Variants in PPEF2 observed in about 807,000 individuals in gnomAD.
The protein encoded by PPEF2 is protein phosphatase with EF-hand domain 2.
In PPEF2, 84 loss-of-function variants were observed where a neutral mutation model predicts 84.7. The observed-to-expected ratio is 0.99, with a 90% confidence interval of 0.83 to 1.19. The LOEUF is 1.19. Ranked by LOEUF, PPEF2 falls within the 50% of genes most tolerant of loss-of-function variation. The pLI, the probability that PPEF2 is intolerant of heterozygous loss-of-function variation, is 0.00. For missense variants in PPEF2, 924 were observed against 937.5 expected (o/e 0.99, Z 0.19); for synonymous variants, 346 against 345.2 (o/e 1.00, Z -0.03).
Position 75,866,268 on chromosome 4 carries a change from A to G in PPEF2, c.1841T>C (p.Leu614Pro), listed in dbSNP as rs1251623895. Residue 614 changes from leucine (L) to proline (P), a missense_variant, in exon 15 of 17, where the codon CTG becomes CCG. Transcript: ENST00000286719. ...CATGTTGTCTGCTGAGCTGTTCACCAGCTGTGGCCTCAGCATCCGCCATGG... is the reference window on the plus strand; with the variant it reads ...CATGTTGTCTGCTGAGCTGTTCACCGGCTGTGGCCTCAGCATCCGCCATGG... ...GLPWRMLRPQLVNSSADNMLE... is the reference protein window; with the variant it reads ...GLPWRMLRPQPVNSSADNMLE... 1.2e-6 allele frequency: 2 copies of G among 1,614,186 alleles called. No homozygotes were observed. Among genetic ancestry groups the G allele is most frequent in the Non-Finnish European group, 1.7e-6 (2 of 1,180,048 alleles).
chr4:75,901,823 G>A (rs1009674184), intron 1 of PPEF2, among the ~76,000 whole-genome samples: 2 of 152,174 alleles, frequency 1.3e-5, no homozygotes, highest in Admixed American at 6.5e-5. Flanking sequence ...TTAGCTAGGG[G>A]TGGTAGTGCA....
intron 1 of PPEF2, among the ~76,000 whole-genome samples, chr4:75,900,222 C>T (rs1725089706): frequency 6.6e-6 from 1 of 152,020 alleles, no homozygotes; most frequent in African/African-American, 2.4e-5. Flanking sequence ...TAAATAAATC[C>T]TCTTTTGCCC....
At chr4:75,861,367 C>T (rs1430157293) in intron 16 of PPEF2, among the ~76,000 whole-genome samples, 1 of 151,700 alleles carries the variant, frequency 6.6e-6, no homozygotes, top group African/African-American at 2.4e-5. Flanking sequence ...CCCCATACAT[C>T]TATAGTCAAT....
At chr4:75,889,787 T>C (rs2047984) in intron 5 of PPEF2, among the ~76,000 whole-genome samples, 170 bp downstream of exon 5, 139,383 of 152,220 alleles carry the variant, frequency 0.92, 64,828 homozygotes, top group Non-Finnish European at 1. Context: ...TCATCAGAAC[T>C]GGCTGATTGA....
chr4:75,877,592 C>G (rs1031535417), intron 10 of PPEF2, among the ~76,000 whole-genome samples: 1 of 151,898 alleles, frequency 6.6e-6, no homozygotes, highest in Non-Finnish European at 1.5e-5. Context: ...GTCTGAGAAA[C>G]ATTGACAGCA....
At chr4:75,864,096 C>T (rs1012623257) in intron 16 of PPEF2, among the ~76,000 whole-genome samples, 1 of 152,092 alleles carries the variant, frequency 6.6e-6, no homozygotes, top group Admixed American at 6.6e-5. Context: ...TGGTCTCGAA[C>T]TCCTGACTTC....
In PPEF2 at chr4:75,883,001, C is replaced by A. The variant is rs779916948; in HGVS notation, c.858G>T (p.Glu286Asp). 1.2e-6 allele frequency: 2 copies of A among 1,614,168 alleles called. No individual in the cohort carries two copies. The highest frequency in any genetic ancestry group is 1.7e-6 in the Non-Finnish European group (2 of 1,180,024). The change falls in exon 10 of 17, where the codon GAG (glutamate) becomes GAT (aspartate). Residue 286 changes from glutamate (E) to aspartate (D), a missense_variant. Glu to Asp is a conservative substitution (Grantham distance 45). Transcript: ENST00000286719. ...CWLPLATLID[E>D]KVLILHGGVS... ...CCCCACCATGAAGAATTAGAACTTT[C>A]TCATCTATCAGAGTGGCCAGTGGAA...
At chr4:75,896,121 T>C (rs1319568975) in intron 2 of PPEF2, 150 bp downstream of exon 2, 4 of 790,908 alleles carry the variant, frequency 5.1e-6, no homozygotes, top group African/African-American at 3.4e-5. Flanking sequence ...TTGGTGGGCA[T>C]GTCACAAGGA....
Position 75,886,991 on chromosome 4 carries a change from G to C in PPEF2, c.533-93C>G, listed in dbSNP as rs1578012428. The C allele has an allele frequency of 4.6e-6, 3 of 656,716 alleles. No individual in the cohort carries two copies. In the Admixed American group the frequency reaches 8.6e-5, roughly 19 times the overall value. 40.7% of individuals were successfully genotyped at this position (656,716 alleles called of 1,614,324 possible). ...AGAAAGAAAATACCCAGAAGAATCT[G>C]ACAGAAAAAACCCTACAAAGTTTTC... On this transcript the variant is annotated intron_variant, in intron 6 of 16. Coordinates refer to ENST00000286719, the MANE Select transcript of PPEF2 (RefSeq NM_006239.3).
intron 13 of PPEF2, among the ~76,000 whole-genome samples, chr4:75,869,122 C>T (rs1337093608): frequency 6.6e-6 from 1 of 152,180 alleles, no homozygotes; most frequent in Non-Finnish European, 1.5e-5. Flanking sequence ...CAGAGGCTAA[C>T]AGAAGTATGG....
intron 6 of PPEF2, 84 bp downstream of exon 6, chr4:75,888,130 C>G: frequency 9.4e-7 from 1 of 1,067,416 alleles, no homozygotes; most frequent in Non-Finnish European, 1.4e-6. Context: ...CTCCCTGCAG[C>G]CCGCCACTCC....
chr4:75,876,601 G>T lies in PPEF2; in HGVS notation c.1006C>A (p.Gln336Lys). 1.2e-6 allele frequency: 2 copies of T among 1,608,528 alleles called. No individual in the cohort carries two copies. Among genetic ancestry groups the T allele is most frequent in the Non-Finnish European group, 1.7e-6 (2 of 1,177,568 alleles). The change falls in exon 11 of 17, where the codon CAG becomes AAG. Residue 336 changes from glutamine to lysine, a missense_variant. Physicochemically the swap from Gln to Lys is moderately conservative, Grantham distance 53 (BLOSUM62 1). Transcript: ENST00000286719. ...KQMEEKRRAN[Q>K]KSSAQGPIPW... is the part of the protein sequence containing the mutation. ...ATGGGTCCCTGTGCAGAGCTCTTCT[G>T]GTTGGCTCTTCTCTTCTCCTCCATC...
intron 11 of PPEF2, among the ~76,000 whole-genome samples, chr4:75,875,572 G>A (rs996465607): frequency 1.3e-5 from 2 of 152,094 alleles, no homozygotes; most frequent in Non-Finnish European, 2.9e-5. Flanking sequence ...TCATGCCACT[G>A]TACTCCAGCC....
chr4:75,896,109 T>C (rs1019298234), intron 2 of PPEF2, among the ~76,000 whole-genome samples, 162 bp downstream of exon 2: 2 of 152,164 alleles, frequency 1.3e-5, no homozygotes, highest in African/African-American at 4.8e-5. Context: ...CAACTGGACA[T>C]TTTGGTGGGC....
rs199757510 is a variant in PPEF2 at position 75,891,937 on chromosome 4, A to C, written c.97T>G (p.Tyr33Asp). The C allele has an allele frequency of 8.7e-6, 14 of 1,614,112 alleles. No homozygotes were observed. The East Asian group carries it at 2.9e-4, about 33-fold the overall frequency. Reference protein sequence around the residue: ...AALIQRWYRRYVARLEMRRRC... With the variant: ...AALIQRWYRRDVARLEMRRRC... The stretch of plus-strand genomic sequence containing the variant: ...CGCCTCATCTCCAGGCGGGCCACGT[A>C]GCGCCGGTACCATCTCTGGATCAGG... The change falls in exon 3 of 17, where the codon TAC (tyrosine) becomes GAC (aspartate). Residue 33 changes from tyrosine (Y) to aspartate (D), a missense_variant. Coordinates refer to ENST00000286719, the MANE Select transcript of PPEF2 (RefSeq NM_006239.3).
chr4:75,877,529 G>A (rs1380051158), intron 10 of PPEF2, among the ~76,000 whole-genome samples: 1 of 152,140 alleles, frequency 6.6e-6, no homozygotes, highest in African/African-American at 2.4e-5. Flanking sequence ...ACAAGTGCTG[G>A]TCGGTTCACT....
In PPEF2 at chr4:75,876,879, A is replaced by G. The variant is rs1049006078; in HGVS notation, c.934-206T>C. ...AAAAATGAGCTGGTCATGGTGGCAC[A>G]TGCCTGTAGTCCCAGCTACTAGGGA... On this transcript the variant is annotated intron_variant, in intron 10 of 16. Coordinates refer to ENST00000286719, the MANE Select transcript of PPEF2 (RefSeq NM_006239.3). 3.3e-5 allele frequency among the ~76,000 whole-genome samples: 5 copies of G among 151,832 alleles called. No individual in the cohort carries two copies. In the East Asian group the frequency reaches 9.7e-4, roughly 29 times the overall value.
chr4:75,892,067 TC>T (rs2149228190), intron 2 of PPEF2, 89 bp from the exon 3 acceptor site: 1 of 1,527,080 alleles, frequency 6.5e-7, no homozygotes, highest in Non-Finnish European at 8.9e-7. Flanking sequence ...CTCAGCCCTC[TC>T]CCACTGTATA....
intron 2 of PPEF2, among the ~76,000 whole-genome samples, chr4:75,895,142 T>C (rs1265593944): frequency 1.3e-5 from 2 of 151,368 alleles, no homozygotes; most frequent in African/African-American, 2.4e-5. Context: ...TTTTTTTTTT[T>C]TTTTGCTGGG....
Sources: allele counts gnomAD v4.1 joint callset (sites outside exome capture counted in the v4.1 genomes callset), GRCh38; gene constraint gnomAD v4.1.1; transcripts MANE v1.5; gene names NCBI Gene and HGNC (gene_info 2026-07-23, HGNC 2026-07-21).